The following PRR5L variants were observed in gnomAD, a reference collection of about 807,000 sequenced individuals.
PRR5L encodes the protein proline rich 5 like.
In PRR5L, 21 loss-of-function variants were observed where a neutral mutation model predicts 36.4. The ratio of observed to expected loss-of-function variants is 0.58; its 90% CI spans 0.41 to 0.83. The LOEUF (loss-of-function observed/expected upper bound fraction) is 0.83, where lower values mean the gene tolerates loss of function less well. Among genes scored for constraint, PRR5L ranks in the 40% least tolerant of loss-of-function variants. PRR5L has a pLI of 0.00. For synonymous variants in PRR5L, 188 were observed against 197.0 expected (o/e 0.95, Z 0.38); for missense variants, 381 against 473.3 (o/e 0.80, Z 1.81).
chr11:36,401,841 G>T (rs2133558709), intron 2 of PRR5L, among the ~76,000 whole-genome samples: 1 of 152,310 alleles, frequency 6.6e-6, no homozygotes, highest in African/African-American at 2.4e-5. Context: ...CAGTTTACCA[G>T]ACTGGGACAG....
chr11:36,401,573 T>G (rs1022043581), intron 2 of PRR5L, among the ~76,000 whole-genome samples: 1 of 152,000 alleles, frequency 6.6e-6, no homozygotes, highest in African/African-American at 2.4e-5. Context: ...TACAGGCACA[T>G]GCCACCACAC....
In PRR5L at chr11:36,406,014, C is replaced by A. The variant is rs146018062; in HGVS notation, c.245+2636C>A. Among the ~76,000 whole-genome samples, 341 of 152,272 alleles carry A rather than the reference C, an allele frequency of 2.2e-3. 1 individual carries two copies. Among genetic ancestry groups the A allele is most frequent in the Middle Eastern group, 0.014 (4 of 294 alleles). On this transcript the variant is annotated intron_variant, in intron 3 of 8. Transcript: ENST00000530639. Reference sequence around the variant, plus strand: ...TTGACATATAAATTTTGGGGGGACTCATAGCAACACCTTTGTTCTTTGCAC... The same window carrying A: ...TTGACATATAAATTTTGGGGGGACTAATAGCAACACCTTTGTTCTTTGCAC...
intron 1 of PRR5L, among the ~76,000 whole-genome samples, chr11:36,316,365 A>G (rs368869617): frequency 3.3e-5 from 5 of 152,126 alleles, no homozygotes; most frequent in Admixed American, 2.0e-4. Context: ...AGACAGGGGA[A>G]TTGCAATGGA....
At chr11:36,401,855 C>A (rs1272981460) in intron 2 of PRR5L, among the ~76,000 whole-genome samples, 2 of 152,216 alleles carry the variant, frequency 1.3e-5, no homozygotes, top group Non-Finnish European at 2.9e-5. Context: ...GGGACAGTTG[C>A]ACTGGAATTT....
chr11:36,355,054 G>T (rs1018704036), intron 1 of PRR5L, among the ~76,000 whole-genome samples: 2 of 152,162 alleles, frequency 1.3e-5, no homozygotes, highest in Non-Finnish European at 2.9e-5. Flanking sequence ...ATTAGAATCT[G>T]TTCCTCATTA....
chr11:36,319,025 C>CT (rs751455616), intron 1 of PRR5L, among the ~76,000 whole-genome samples: 16 of 152,144 alleles, frequency 1.1e-4, no homozygotes, highest in Non-Finnish European at 2.4e-4. Context: ...ATACTCATCA[C>CT]TTTTTTCTCT....
chr11:36,454,396 T>C (rs143117347), intron 8 of PRR5L, among the ~76,000 whole-genome samples: 110 of 152,282 alleles, frequency 7.2e-4, no homozygotes, highest in African/African-American at 2.5e-3. Context: ...GTCTACCCCT[T>C]AGTAAAAGGT....
chr11:36,420,809 A>G (rs1358366586), intron 4 of PRR5L, among the ~76,000 whole-genome samples: 3 of 150,696 alleles, frequency 2.0e-5, no homozygotes, highest in Non-Finnish European at 4.4e-5. Flanking sequence ...TGTGCACTTT[A>G]AAAGAATGAC....
intron 1 of PRR5L, among the ~76,000 whole-genome samples, chr11:36,340,886 C>T (rs934452320): frequency 2.0e-5 from 3 of 152,176 alleles, no homozygotes; most frequent in African/African-American, 7.2e-5. Flanking sequence ...CCCAGCTGAA[C>T]ACCTAGCAGT....
chr11:36,444,527 C>T (rs904260435), intron 6 of PRR5L, among the ~76,000 whole-genome samples: 8 of 152,108 alleles, frequency 5.3e-5, no homozygotes, highest in African/African-American at 1.4e-4. Context: ...GCAAAATAAT[C>T]GTCTATTTGG....
intron 6 of PRR5L, among the ~76,000 whole-genome samples, chr11:36,439,714 A>T (rs1858681472): frequency 6.6e-6 from 1 of 152,212 alleles, no homozygotes; most frequent in Non-Finnish European, 1.5e-5. Flanking sequence ...GCATACCCTG[A>T]AAAAGGCAAA....
At chr11:36,389,018 G>T (rs1243132129) in intron 1 of PRR5L, among the ~76,000 whole-genome samples, 1 of 152,188 alleles carries the variant, frequency 6.6e-6, no homozygotes, top group Admixed American at 6.5e-5. Context: ...CTCTTTCTTA[G>T]AGCTGCATCA....
At chr11:36,392,349 AAT>A (rs56690313) in intron 1 of PRR5L, among the ~76,000 whole-genome samples, 1,763 of 152,294 alleles carry the variant, frequency 0.012, 32 homozygotes, top group African/African-American at 0.04. Context: ...GAGATTGCTG[AAT>A]CATATGGTAG....
chr11:36,373,599 A>T (rs573421170), intron 1 of PRR5L, among the ~76,000 whole-genome samples: 34 of 111,188 alleles, frequency 3.1e-4, no homozygotes, highest in African/African-American at 5.4e-4. Flanking sequence ...ACTCTGTTTT[A>T]AAAAAAAAAA....
At chr11:36,355,210 G>A (rs1224735924) in intron 1 of PRR5L, among the ~76,000 whole-genome samples, 2 of 152,118 alleles carry the variant, frequency 1.3e-5, no homozygotes, top group Non-Finnish European at 2.9e-5. Flanking sequence ...AATGTTTTAC[G>A]GTGGCAAAGA....
At chr11:36,446,489 G>C in intron 7 of PRR5L, 49 bp downstream of exon 7, 1 of 1,604,276 alleles carries the variant, frequency 6.2e-7, no homozygotes, top group Non-Finnish European at 8.5e-7. Context: ...GGGAGCGAGG[G>C]AAGAGATTGC....
Position 36,366,901 on chromosome 11 carries a change from G to A in PRR5L, c.-125-34096G>A, listed in dbSNP as rs114466135. Among the ~76,000 whole-genome samples the A allele has an allele frequency of 6.8e-3, 1,041 of 151,994 alleles. 14 individuals are homozygous for A. The highest frequency in any genetic ancestry group is 0.024 in the African/African-American group (991 of 41,438). On this transcript the variant is annotated intron_variant, in intron 1 of 8. Transcript: ENST00000530639. ...TCTCTCCTTCTTTCTCCCCTTCTTTGCCCTCCCTTCCTTCCCTTCTCCTCC... is the reference window on the plus strand; with the variant it reads ...TCTCTCCTTCTTTCTCCCCTTCTTTACCCTCCCTTCCTTCCCTTCTCCTCC...
intron 1 of PRR5L, among the ~76,000 whole-genome samples, chr11:36,306,983 C>T (rs1856440922): frequency 1.3e-5 from 2 of 152,158 alleles, no homozygotes; most frequent in Non-Finnish European, 2.9e-5. Flanking sequence ...GTAGTGATGA[C>T]TACAAAAGAC....
chr11:36,397,809 T>A (rs1857697971), intron 1 of PRR5L, among the ~76,000 whole-genome samples: 1 of 151,946 alleles, frequency 6.6e-6, no homozygotes, highest in African/African-American at 2.4e-5. Flanking sequence ...TTTTTGTTTT[T>A]TTTTGAGACG....
Sources: gnomAD v4.1 joint callset for allele counts (sites outside exome capture counted in the v4.1 genomes callset) on GRCh38, gnomAD v4.1.1 for gene constraint, MANE v1.5 for transcripts, NCBI Gene and HGNC (gene_info 2026-07-23, HGNC 2026-07-21) for gene names.